The following SGSM2 variants were observed in gnomAD, a reference collection of about 807,000 sequenced individuals.
SGSM2 encodes small G protein signaling modulator 2.
In SGSM2, 89 loss-of-function variants were observed where a neutral mutation model predicts 126.6. That is an observed-to-expected ratio of 0.70 (90% CI 0.59 to 0.84). The LOEUF (loss-of-function observed/expected upper bound fraction) is 0.84. Ranked by LOEUF, SGSM2 falls within the 40% of genes least tolerant of loss-of-function variation. The probability of loss-of-function intolerance (pLI) is 0.00; values close to 1 mark genes in which losing one functional copy is unlikely to be tolerated. For synonymous variants in SGSM2, 614 were observed against 574.3 expected (o/e 1.07, Z -0.99); for missense variants, 1,404 against 1,416.6 (o/e 0.99, Z 0.14).
chr17:2,352,291 T>C (rs1753097596), intron 2 of SGSM2, among the ~76,000 whole-genome samples: 1 of 152,162 alleles, frequency 6.6e-6, no homozygotes, highest in Non-Finnish European at 1.5e-5. Flanking sequence ...GCTTTTGAAT[T>C]CTGCTCTAAT....
intron 2 of SGSM2, among the ~76,000 whole-genome samples, chr17:2,345,678 A>G (rs1179770995): frequency 6.6e-6 from 1 of 152,086 alleles, no homozygotes; most frequent in Non-Finnish European, 1.5e-5. Context: ...TGGGCCACAC[A>G]AAAGACATCT....
rs574024477 is a variant in SGSM2 at position 2,378,530 on chromosome 17, C to CAAAAA, written c.2900-497_2900-493dup. On this transcript the variant is annotated intron_variant, in intron 22 of 23. Transcript: ENST00000268989. Reference sequence around the variant, plus strand: ...TGGGCAACAGAGCCAGACTGTGTCTCAAAAAAAAAAAAAGAAAAGAAAAGA... The same window carrying CAAAAA: ...TGGGCAACAGAGCCAGACTGTGTCTCAAAAAAAAAAAAAAAAAAGAAAAGAAAAGA... 1.7e-4 allele frequency among the ~76,000 whole-genome samples: 17 copies of CAAAAA among 100,146 alleles called. 2 individuals carry two copies. The South Asian group carries it at 4.9e-3, about 29-fold the overall frequency. 65.7% of individuals were successfully genotyped at this position (100,146 alleles called of 152,430 possible).
rs190092961 is a variant in SGSM2 at position 2,375,092 on chromosome 17, C to G, written c.2101-400C>G. ...AGGCAAAACTTGTTTTTCCTAAAAC[C>G]TCTAGGCTTCTCTCCACCCAGCCAC... On this transcript the variant is annotated intron_variant, in intron 17 of 23. Coordinates refer to ENST00000268989, the MANE Select transcript of SGSM2 (RefSeq NM_014853.3). 1.7e-3 allele frequency: 286 copies of G among 170,602 alleles called. 2 individuals are homozygous for G. The highest frequency in any genetic ancestry group is 6.4e-3 in the African/African-American group (270 of 42,180). The allele number at this position is 170,602 out of a possible 1,614,324, so 10.6% of individuals were successfully genotyped here. A position where few individuals can be genotyped will look rare whatever the true frequency, so the allele number is the denominator to read the frequency against.
At chr17:2,348,833 G>A (rs939328293) in intron 2 of SGSM2, among the ~76,000 whole-genome samples, 1 of 152,110 alleles carries the variant, frequency 6.6e-6, no homozygotes, top group Non-Finnish European at 1.5e-5. Context: ...TGTGATCATA[G>A]CTCACTCAGC....
rs1217521023 is a variant in SGSM2, at chr17:2,367,241, C to G, written c.1289-30C>G. 14 of 1,601,002 alleles carry G rather than the reference C, an allele frequency of 8.7e-6. No individual in the cohort carries two copies. The highest frequency in any genetic ancestry group is 1.1e-5 in the Non-Finnish European group (13 of 1,173,820). ...CCTGCCCAGGGATGAGGGCCTCATG[C>G]CTCTGCCTCTCGCTGTTCTCTTTGA... On this transcript the variant is annotated intron_variant, in intron 11 of 23. Coordinates refer to ENST00000268989, the MANE Select transcript of SGSM2 (RefSeq NM_014853.3). This position sits in a 1 kb window ranked among gnomAD's most constrained non-coding sequence, Gnocchi z 4.0.
At chr17:2,346,778 G>C (rs994391859) in intron 2 of SGSM2, among the ~76,000 whole-genome samples, 2 of 152,092 alleles carry the variant, frequency 1.3e-5, no homozygotes, top group African/African-American at 2.4e-5. Context: ...GGTGGCGCTA[G>C]GAGAATGGAC....
Position 2,375,827 on chromosome 17 carries a change from A to T in SGSM2, c.2436A>T (p.Glu812Asp). 6.5e-7 allele frequency: 1 copy of T among 1,546,756 alleles called. No homozygotes were observed. The highest frequency in any genetic ancestry group is 8.7e-7 in the Non-Finnish European group (1 of 1,148,728). ...GCCAGGAGAAGCCTCAGGCCGGAGA[A>T]CTGGAGGCCGGAGAGGAGCTTGCGG... The part of the protein sequence containing the change: ...DPSQEKPQAG[E>D]LEAGEELAAV... The change falls in exon 18 of 24, where the codon GAA becomes GAT. Residue 812 changes from glutamate (E) to aspartate (D), a missense_variant. Coordinates refer to ENST00000268989, the MANE Select transcript of SGSM2 (RefSeq NM_014853.3).
intron 2 of SGSM2, among the ~76,000 whole-genome samples, chr17:2,347,693 T>G (rs1413972669): frequency 6.6e-6 from 1 of 151,766 alleles, no homozygotes; most frequent in Non-Finnish European, 1.5e-5. Context: ...AAGATTGGTC[T>G]CAAACTCGTG....
intron 17 of SGSM2, 22 bp from the exon 18 acceptor site, chr17:2,375,470 C>T: frequency 6.3e-7 from 1 of 1,582,666 alleles, no homozygotes. Flanking sequence ...GCAGGTGGAG[C>T]CGCCCTGTGT....
chr17:2,375,806 GGA>G lies in SGSM2; in HGVS notation c.2418_2419del (p.Lys807AlafsTer43). On this transcript the variant is annotated frameshift_variant, in exon 18 of 24. Transcript: ENST00000268989. LOFTEE classifies it high-confidence loss of function. ...TLREPQDPSQ[E>X]KPQAGELEAG... The stretch of plus-strand genomic sequence containing the variant: ...TGAGGGAGCCCCAGGATCCCAGCCA[GGA>G]GAAGCCTCAGGCCGGAGAACTGGAG... 1 of 1,565,020 alleles carries G rather than the reference GGA, an allele frequency of 6.4e-7. No homozygotes were observed. The highest frequency in any genetic ancestry group is 2.2e-5 in the East Asian group (1 of 44,466).
chr17:2,364,562 T>C (rs750322213), intron 8 of SGSM2, 34 bp from the exon 9 acceptor site: 1 of 1,611,270 alleles, frequency 6.2e-7, no homozygotes, highest in Non-Finnish European at 8.5e-7. Context: ...GGCAGGTCTT[T>C]GGACACAGTG....
At chr17:2,339,861 A>G (rs953024411) in intron 1 of SGSM2, among the ~76,000 whole-genome samples, 3 of 152,080 alleles carry the variant, frequency 2.0e-5, no homozygotes, top group Admixed American at 2.0e-4. Flanking sequence ...GAGAAGCTTC[A>G]TTATGTCTTT....
intron 2 of SGSM2, among the ~76,000 whole-genome samples, chr17:2,348,572 G>C (rs774572585): frequency 7.9e-5 from 12 of 152,110 alleles, no homozygotes; most frequent in Non-Finnish European, 1.5e-4. Flanking sequence ...TTCATAGCTG[G>C]GACTTTGGGG....
chr17:2,370,642 G>A (rs991452162), intron 12 of SGSM2, among the ~76,000 whole-genome samples: 1 of 152,242 alleles, frequency 6.6e-6, no homozygotes, highest in Non-Finnish European at 1.5e-5. Context: ...TCAGAAAGGG[G>A]CCATAGGAGC....
In SGSM2 at chr17:2,367,361, CAAT is replaced by C. The variant is rs762966561; in HGVS notation, c.1380_1382del (p.Met461del). On this transcript the variant is annotated inframe_deletion, in exon 12 of 24. Transcript: ENST00000268989. This position sits in a 1 kb window ranked among gnomAD's most constrained non-coding sequence, Gnocchi z 4.0. ...GAGGATAAACTGCACGCGATGCTCTCAATGATCTGCTCGCGGAACCTCACAGCT... is the reference window on the plus strand; with the variant it reads ...GAGGATAAACTGCACGCGATGCTCTCGATCTGCTCGCGGAACCTCACAGCT... 1.9e-6 allele frequency: 3 copies of C among 1,614,198 alleles called. No homozygotes were observed. Among genetic ancestry groups the C allele is most frequent in the Non-Finnish European group, 8.5e-7 (1 of 1,180,032 alleles).
chr17:2,363,352 G>T lies in SGSM2; in HGVS notation c.673-113G>T. The T allele has an allele frequency of 6.6e-7, 1 of 1,517,050 alleles. No individual in the cohort carries two copies. Among genetic ancestry groups the T allele is most frequent in the Non-Finnish European group, 8.9e-7 (1 of 1,124,350 alleles). The allele number at this position is 1,517,050 out of a possible 1,614,324, so 94.0% of individuals were successfully genotyped here. A position where few individuals can be genotyped will look rare whatever the true frequency, so the allele number is the denominator to read the frequency against. On this transcript the variant is annotated intron_variant, in intron 6 of 23. Transcript: ENST00000268989. The surrounding 1 kb of genome is among the most constrained non-coding windows in gnomAD (Gnocchi z 4.2). ...AGAGGGTGGCTGGGAGTAAACCGGGGCAGGAAGGACCCCTGGGGTCAGCTG... is the reference window on the plus strand; with the variant it reads ...AGAGGGTGGCTGGGAGTAAACCGGGTCAGGAAGGACCCCTGGGGTCAGCTG...
intron 17 of SGSM2, chr17:2,374,302 T>C (rs2066023058): frequency 6.6e-6 from 1 of 152,198 alleles, no homozygotes; most frequent in Non-Finnish European, 1.5e-5. Context: ...ACTGGCTGGG[T>C]GTGATGGCTC....
At position 2,372,342 on chromosome 17, in the gene SGSM2, G is replaced by A; in HGVS notation, c.1643-1G>A. 1.9e-6 allele frequency: 3 copies of A among 1,598,640 alleles called. No individual in the cohort carries two copies. Among genetic ancestry groups the A allele is most frequent in the Non-Finnish European group, 2.6e-6 (3 of 1,172,968 alleles). Reference sequence around the variant, plus strand: ...CTGCTGCCCACCGCTGCCCACCGCAGGGCTGGCACACTGCCGCCACCTGTC... The same window carrying A: ...CTGCTGCCCACCGCTGCCCACCGCAAGGCTGGCACACTGCCGCCACCTGTC... On this transcript the variant is annotated splice_acceptor_variant, in intron 14 of 23. Transcript: ENST00000268989. LOFTEE classifies it high-confidence loss of function. This position sits in a 1 kb window ranked among gnomAD's most constrained non-coding sequence, Gnocchi z 6.0.
At chr17:2,368,003 AG>A (rs2065675781) in intron 12 of SGSM2, among the ~76,000 whole-genome samples, 1 of 152,172 alleles carries the variant, frequency 6.6e-6, no homozygotes, top group African/African-American at 2.4e-5. Flanking sequence ...GTGTCCAGGA[AG>A]GGGCCAGGCT....
Sources: allele counts gnomAD v4.1 joint callset (sites outside exome capture counted in the v4.1 genomes callset), GRCh38; gene constraint gnomAD v4.1.1; non-coding constraint Gnocchi (gnomAD v3.1); transcripts MANE v1.5; gene names NCBI Gene and HGNC (gene_info 2026-07-23, HGNC 2026-07-21).